The following SLC35B2 variants were observed in gnomAD, a reference collection of about 807,000 sequenced individuals.
SLC35B2 encodes the protein adenosine 3'-phospho 5'-phosphosulfate transporter 1.
In SLC35B2, 19 loss-of-function variants were observed where a neutral mutation model predicts 37.9. The observed-to-expected ratio is 0.50, with a 90% CI of 0.35 to 0.74. The LOEUF (loss-of-function observed/expected upper bound fraction) is 0.74. Among genes scored for constraint, SLC35B2 ranks in the 30% least tolerant of loss-of-function variants. The probability of loss-of-function intolerance (pLI) is 0.01; values close to 1 mark genes in which losing one functional copy is unlikely to be tolerated. For synonymous variants in SLC35B2, 277 were observed against 225.2 expected (o/e 1.23, Z -2.06); for missense variants, 633 against 547.6 (o/e 1.16, Z -1.56).
chr6:44,255,337 A>G lies in SLC35B2; in HGVS notation c.668T>C (p.Val223Ala), dbSNP rs199724351. Residue 223 changes from valine (V) to alanine (A), a missense_variant, in exon 4 of 4, where the codon GTC becomes GCC. Val to Ala is a moderately conservative substitution (Grantham distance 64). Transcript: ENST00000393812. ...VLAKASKVIPVMLMGKLVSRR... is the reference protein window; with the variant it reads ...VLAKASKVIPAMLMGKLVSRR... Reference sequence around the variant, plus strand: ...AGACACAAGCTTTCCCATCAGCATGACAGGGATCACCTTAGAGGCCTTGGC... The same window carrying G: ...AGACACAAGCTTTCCCATCAGCATGGCAGGGATCACCTTAGAGGCCTTGGC... The G allele has an allele frequency of 1.5e-4, 236 of 1,614,234 alleles. No homozygotes were observed. Among genetic ancestry groups the G allele is most frequent in the Non-Finnish European group, 1.8e-4 (209 of 1,180,040 alleles).
rs754136341 is a variant in SLC35B2 at position 44,255,710 on chromosome 6, CCT to C, written c.361-68_361-67del. On this transcript the variant is annotated intron_variant, in intron 3 of 3. Coordinates refer to ENST00000393812, the MANE Select transcript of SLC35B2 (RefSeq NM_178148.4). Reference sequence around the variant, plus strand: ...TAATGAAAAGGTAGACAAAAATTGACCTCTCTCTCTTCAGGATTATGCCTAAG... The same window carrying C: ...TAATGAAAAGGTAGACAAAAATTGACCTCTCTCTTCAGGATTATGCCTAAG... 55 of 1,455,050 alleles carry C rather than the reference CCT, an allele frequency of 3.8e-5. 1 individual carries two copies. The highest frequency in any genetic ancestry group is 1.8e-4 in the Middle Eastern group (1 of 5,602). The allele number at this position is 1,455,050 out of a possible 1,614,324, so 90.1% of individuals were successfully genotyped here.
In SLC35B2 at chr6:44,256,394, G is replaced by A. The variant is rs1179423080; in HGVS notation, c.308C>T (p.Thr103Ile). ...CTTCAGGGCCTGCCACATCGGGGTG[G>A]TCTCTGCCGCCTCTGTTCGGGGCGC... is the stretch of plus-strand genomic sequence containing the variant. ...PLAPRTEAAETTPMWQALKLL... is the reference protein window; with the variant it reads ...PLAPRTEAAEITPMWQALKLL... Residue 103 changes from threonine (T) to isoleucine (I), a missense_variant, in exon 3 of 4, where the codon ACC (threonine) becomes ATC (isoleucine). Coordinates refer to ENST00000393812, the MANE Select transcript of SLC35B2 (RefSeq NM_178148.4). 2 of 1,614,092 alleles carry A rather than the reference G, an allele frequency of 1.2e-6. No individual in the cohort carries two copies. Among genetic ancestry groups the A allele is most frequent in the African/African-American group, 1.3e-5 (1 of 74,930 alleles).
At position 44,254,740 on chromosome 6, in the gene SLC35B2, GCCTTC is replaced by G. The variant is rs1219901658; in HGVS notation, c.1260_1264del (p.Lys420AsnfsTer5). ...CTGCACAGGAGACTCAACAGGCACA[GCCTTC>G]TTTCCCCGTTGCTTTAGACGGCCCC... On this transcript the variant is annotated frameshift_variant, in exon 4 of 4. Transcript: ENST00000393812. LOFTEE classifies it high-confidence loss of function. The G allele has an allele frequency of 6.2e-7, 1 of 1,613,684 alleles. No individual in the cohort carries two copies. The highest frequency in any genetic ancestry group is 8.5e-7 in the Non-Finnish European group (1 of 1,179,754).
At position 44,254,492 on chromosome 6, in the gene SLC35B2, G is replaced by C. The variant is rs964349992; in HGVS notation, c.*214C>G. On this transcript the variant is annotated 3_prime_UTR_variant, in exon 4 of 4. Coordinates refer to ENST00000393812, the MANE Select transcript of SLC35B2 (RefSeq NM_178148.4). ...CCCTCACTGAGGACTGTCTACCCCC[G>C]GGGCTCAGAATAAACTGCTTACTGG... 2 of 572,148 alleles carry C rather than the reference G, an allele frequency of 3.5e-6. No homozygotes were observed. Among genetic ancestry groups the C allele is most frequent in the Non-Finnish European group, 6.1e-6 (2 of 327,170 alleles). The allele number at this position is 572,148 out of a possible 1,614,324, so 35.4% of individuals were successfully genotyped here.
At position 44,257,468 on chromosome 6, in the gene SLC35B2, G is replaced by A. The variant is rs1165866231; in HGVS notation, c.-58C>T. 3 of 1,238,912 alleles carry A rather than the reference G, an allele frequency of 2.4e-6. No individual in the cohort carries two copies. The highest frequency in any genetic ancestry group is 3.2e-5 in the East Asian group (1 of 31,496). 76.7% of individuals were successfully genotyped at this position (1,238,912 alleles called of 1,614,324 possible). On this transcript the variant is annotated 5_prime_UTR_variant, in exon 1 of 4. Coordinates refer to ENST00000393812, the MANE Select transcript of SLC35B2 (RefSeq NM_178148.4). ...GGGAATGCGAGTCCCCGGGCCGCGCGCCCCCTGCGCTCCCGCCGCCGCCTC... is the reference window on the plus strand; with the variant it reads ...GGGAATGCGAGTCCCCGGGCCGCGCACCCCCTGCGCTCCCGCCGCCGCCTC...
chr6:44,254,873 C>A lies in SLC35B2; in HGVS notation c.1132G>T (p.Ala378Ser). The A allele has an allele frequency of 6.2e-7, 1 of 1,614,204 alleles. No individual in the cohort carries two copies. The highest frequency in any genetic ancestry group is 8.5e-7 in the Non-Finnish European group (1 of 1,180,046). ...TAGAGAAGGCAGGAAAGAAGGATGG[C>A]AAAGGCCTGGCGGAGGGTCATGATG... ...TIIMTLRQAFAILLSCLLYGH... is the reference protein window; with the variant it reads ...TIIMTLRQAFSILLSCLLYGH... The change falls in exon 4 of 4, where the codon GCC becomes TCC. Residue 378 changes from alanine (A) to serine (S), a missense_variant. Transcript: ENST00000393812.
chr6:44,254,649 C>G lies in SLC35B2; in HGVS notation c.*57G>C. The stretch of plus-strand genomic sequence containing the variant: ...CAGCCAGCTCCCTCAGAGGTTACAG[C>G]AGAAGGGGATGGTGGGAGGGTCCTA... On this transcript the variant is annotated 3_prime_UTR_variant, in exon 4 of 4. Transcript: ENST00000393812. 6.5e-7 allele frequency: 1 copy of G among 1,539,410 alleles called. No individual in the cohort carries two copies.
At position 44,254,288 on chromosome 6, in the gene SLC35B2, A is replaced by T. The variant is rs1387392274; in HGVS notation, c.*418T>A. ...CAGCACCATCTTCACCCTCCTGGGA[A>T]AGCAGCATTGGAGCCTACACCGCTT... is the stretch of plus-strand genomic sequence containing the variant. On this transcript the variant is annotated 3_prime_UTR_variant, in exon 4 of 4. Transcript: ENST00000393812. 5.0e-6 allele frequency: 1 copy of T among 201,888 alleles called. No homozygotes were observed. The highest frequency in any genetic ancestry group is 1.0e-5 in the Non-Finnish European group (1 of 96,832). The allele number at this position is 201,888 out of a possible 1,614,324, so 12.5% of individuals were successfully genotyped here.
chr6:44,256,479 G>C lies in SLC35B2; in HGVS notation c.223C>G (p.Pro75Ala), dbSNP rs751441027. ...YLETGRGLCFPLVKACVFGNE... is the reference protein window; with the variant it reads ...YLETGRGLCFALVKACVFGNE... ...CCAAACACACAAGCTTTCACCAGGG[G>C]AAAGCAGAGGCCCCTACCTGAAGAA... The change falls in exon 3 of 4, where the codon CCC (proline) becomes GCC (alanine). Residue 75 changes from proline to alanine, a missense_variant. By Grantham distance (27) the Pro-to-Ala change is conservative. Coordinates refer to ENST00000393812, the MANE Select transcript of SLC35B2 (RefSeq NM_178148.4). 2.5e-6 allele frequency: 4 copies of C among 1,614,202 alleles called. No individual in the cohort carries two copies. In the Admixed American group the frequency reaches 6.7e-5, roughly 27 times the overall value.
upstream of SLC35B2, chr6:44,257,529 G>A: frequency 9.9e-7 from 1 of 1,012,402 alleles, no homozygotes; most frequent in Non-Finnish European, 1.3e-6. Flanking sequence ...CAGCGGAAGT[G>A]CCGCGCTCTT....
chr6:44,256,939 G>A (rs1338918504), intron 1 of SLC35B2, 61 bp from the exon 2 acceptor site: 17 of 1,529,432 alleles, frequency 1.1e-5, no homozygotes, highest in African/African-American at 2.8e-5. Context: ...GCCCTCCAGA[G>A]GGGACCACAC....
At chr6:44,257,676 C>T (rs1210644053), upstream of SLC35B2, 4 of 172,204 alleles carry the variant, frequency 2.3e-5, no homozygotes. Context: ...TGCCCCTGGG[C>T]GCGGGGAGCC....
Position 44,257,357 on chromosome 6 carries a change from CG to C in SLC35B2, c.11+42del, listed in dbSNP as rs977496661. 49 of 1,323,284 alleles carry C rather than the reference CG, an allele frequency of 3.7e-5. No individual in the cohort carries two copies. The Admixed American group carries it at 5.2e-4, about 14-fold the overall frequency. The allele number at this position is 1,323,284 out of a possible 1,614,324, so 82.0% of individuals were successfully genotyped here. On this transcript the variant is annotated intron_variant, in intron 1 of 3. Transcript: ENST00000393812. ...GCTGAGGCGCGGCAGTCACGTGGCC[CG>C]GGGGCTCGGTCACGTGAGCTCGCTG...
Position 44,254,542 on chromosome 6 carries a change from G to A in SLC35B2, c.*164C>T, listed in dbSNP as rs1352388664. 5 of 776,360 alleles carry A rather than the reference G, an allele frequency of 6.4e-6. No individual in the cohort carries two copies. Among genetic ancestry groups the A allele is most frequent in the Non-Finnish European group, 1.0e-5 (5 of 496,858 alleles). The allele number at this position is 776,360 out of a possible 1,614,324, so 48.1% of individuals were successfully genotyped here. On this transcript the variant is annotated 3_prime_UTR_variant, in exon 4 of 4. Transcript: ENST00000393812. ...GAAGATGGGTGACTTAAGGCAAAAG[G>A]GAAGGCTGCCTCCTGGGCTCCCCAA...
rs776940834 is a variant in SLC35B2, at chr6:44,256,450, A to T, written c.252T>A (p.Asn84Lys). 4 of 1,614,200 alleles carry T rather than the reference A, an allele frequency of 2.5e-6. No homozygotes were observed. Among genetic ancestry groups the T allele is most frequent in the Non-Finnish European group, 3.4e-6 (4 of 1,180,032 alleles). Residue 84 changes from asparagine to lysine, a missense_variant, in exon 3 of 4, where the codon AAT becomes AAA. Physicochemically the swap from Asn to Lys is moderately conservative, Grantham distance 94. Coordinates refer to ENST00000393812, the MANE Select transcript of SLC35B2 (RefSeq NM_178148.4). Reference protein sequence around the residue: ...FPLVKACVFGNEPKASDEVPL... With the variant: ...FPLVKACVFGKEPKASDEVPL... ...GAACCTCATCAGAGGCCTTGGGCTC[A>T]TTGCCAAACACACAAGCTTTCACCA...
rs1230002694 is a variant in SLC35B2, at chr6:44,257,491, C to T, written c.-81G>A. ...GCGCCCCCTGCGCTCCCGCCGCCGC[C>T]TCCAGGAGCGGCCAGCGAGCCAGCG... On this transcript the variant is annotated 5_prime_UTR_variant, in exon 1 of 4. Coordinates refer to ENST00000393812, the MANE Select transcript of SLC35B2 (RefSeq NM_178148.4). 1 of 1,210,234 alleles carries T rather than the reference C, an allele frequency of 8.3e-7. No homozygotes were observed. Among genetic ancestry groups the T allele is most frequent in the Non-Finnish European group, 1.0e-6 (1 of 961,352 alleles). The allele number at this position is 1,210,234 out of a possible 1,614,324, so 75.0% of individuals were successfully genotyped here. A position where few individuals can be genotyped will look rare whatever the true frequency, so the allele number is the denominator to read the frequency against.
chr6:44,256,810 G>T lies in SLC35B2; in HGVS notation c.80C>A (p.Pro27His), dbSNP rs377665565. The T allele has an allele frequency of 3.1e-5, 50 of 1,613,952 alleles. No homozygotes were observed. The highest frequency in any genetic ancestry group is 4.2e-5 in the Non-Finnish European group (50 of 1,179,956). ...LGAGGETPEA[P>H]PESWTQLWFF... ...CCATAGCTGGGTCCATGACTCCGGA[G>T]GGGCTTCGGGAGTCTCCCCACCTGC... is the stretch of plus-strand genomic sequence containing the variant. Residue 27 changes from proline (P) to histidine (H), a missense_variant, in exon 2 of 4, where the codon CCT becomes CAT. Coordinates refer to ENST00000393812, the MANE Select transcript of SLC35B2 (RefSeq NM_178148.4).
At chr6:44,257,238 G>C in intron 1 of SLC35B2, 162 bp downstream of exon 1, 1 of 787,762 alleles carries the variant, frequency 1.3e-6, no homozygotes, top group South Asian at 3.6e-5. Flanking sequence ...TCCCCAAGGA[G>C]CACAAAACCA....
In SLC35B2 at chr6:44,256,782, G is replaced by A; in HGVS notation, c.108C>T (p.Phe36=). The A allele has an allele frequency of 6.2e-7, 1 of 1,614,220 alleles. No individual in the cohort carries two copies. The highest frequency in any genetic ancestry group is 8.5e-7 in the Non-Finnish European group (1 of 1,180,036). Residue 36 remains phenylalanine (F), a synonymous_variant, in exon 2 of 4, where the codon TTC becomes TTT. Transcript: ENST00000393812. ...CAGCAGCATTCACCACAAATCGGAA[G>A]AACCATAGCTGGGTCCATGACTCCG... is the stretch of plus-strand genomic sequence containing the variant. ...APPESWTQLW[F]FRFVVNAAGY...
Sources: gnomAD v4.1 joint callset for allele counts on GRCh38, gnomAD v4.1.1 for gene constraint, MANE v1.5 for transcripts, NCBI Gene and HGNC (gene_info 2026-07-23, HGNC 2026-07-21) for gene names.